CPLANE1: variants seen among roughly 807,000 people sequenced by gnomAD.
CPLANE1 encodes ciliogenesis and planar polarity effector complex subunit 1, also known as ciliogenesis and planar polarity effector 1.
CPLANE1 carries 263 observed loss-of-function variants against 362.5 expected under a neutral mutation model. The observed-to-expected ratio is 0.73, with a 90% CI of 0.66 to 0.80. The LOEUF is 0.80. Among genes scored for constraint, CPLANE1 ranks in the 30% least tolerant of loss-of-function variants. The pLI is 0.00. For synonymous variants in CPLANE1, 1,212 were observed against 1,302.6 expected (o/e 0.93, Z 1.50); for missense variants, 3,461 against 3,793.4 (o/e 0.91, Z 2.30).
intron 18 of CPLANE1, among the ~76,000 whole-genome samples, chr5:37,203,571 TG>T (rs1789827725): frequency 2.6e-5 from 4 of 152,208 alleles, no homozygotes; most frequent in Admixed American, 2.6e-4. Context: ...TGGAGTGCAG[TG>T]GCACAATCAT....
At chr5:37,194,899 TC>T (rs1168397027) in intron 21 of CPLANE1, among the ~76,000 whole-genome samples, 1 of 151,734 alleles carries the variant, frequency 6.6e-6, no homozygotes, top group African/African-American at 2.4e-5. Flanking sequence ...ACACCTGTAA[TC>T]CCAGCACTTT....
chr5:37,122,113 G>A (rs1486161633), intron 48 of CPLANE1, among the ~76,000 whole-genome samples: 2 of 152,096 alleles, frequency 1.3e-5, no homozygotes, highest in Non-Finnish European at 2.9e-5. Context: ...TTCTGAAAAT[G>A]ATTAGGCAGT....
chr5:37,141,950 C>A, intron 44 of CPLANE1: 9 of 529,400 alleles, frequency 1.7e-5, no homozygotes, highest in Non-Finnish European at 2.2e-5. Context: ...ATGGTAGAGG[C>A]TCAAGAAATG....
At position 37,198,699 on chromosome 5, in the gene CPLANE1, T is replaced by C. The variant is rs1345250871; in HGVS notation, c.3672+3A>G. On this transcript the variant is annotated splice_donor_region_variant and intron_variant, in intron 20 of 52. Transcript: ENST00000651892. ...CATGTAAATGACTAAGATATTTCCA[T>C]ACCTTCTGCATGACTTTTCTTGCCC... The C allele has an allele frequency of 5.0e-6, 8 of 1,612,466 alleles. No homozygotes were observed. The highest frequency in any genetic ancestry group is 4.5e-5 in the East Asian group (2 of 44,890).
At chr5:37,233,243 A>AG (rs142405113) in intron 8 of CPLANE1, among the ~76,000 whole-genome samples, 4,360 of 152,256 alleles carry the variant, frequency 0.029, 96 homozygotes, top group Middle Eastern at 0.12. Flanking sequence ...GCACTGCTTC[A>AG]GGGAGGAAGA....
At chr5:37,158,156 A>G in intron 39 of CPLANE1, 68 bp downstream of exon 39, 1 of 1,511,040 alleles carries the variant, frequency 6.6e-7, no homozygotes, top group Non-Finnish European at 9.1e-7. Flanking sequence ...CCAATTGAAT[A>G]ATGTCTACAT....
At position 37,226,563 on chromosome 5, in the gene CPLANE1, C is replaced by G. The variant is rs1027355854; in HGVS notation, c.2032G>C (p.Gly678Arg). 3 of 1,549,214 alleles carry G rather than the reference C, an allele frequency of 1.9e-6. No individual in the cohort carries two copies. Among genetic ancestry groups the G allele is most frequent in the Non-Finnish European group, 2.6e-6 (3 of 1,146,364 alleles). ...AAAAGTTTCTCTGAGAATAACTGACCCTTTTGTTGCTGAGTCAGCAAAAGT... is the reference window on the plus strand; with the variant it reads ...AAAAGTTTCTCTGAGAATAACTGACGCTTTTGTTGCTGAGTCAGCAAAAGT... ...VKLLLTQQQK[G>R]QLFSEKLLAC... Residue 678 changes from glycine to arginine, a missense_variant, in exon 12 of 53, where the codon GGT becomes CGT. Physicochemically the swap from Gly to Arg is moderately radical, Grantham distance 125. Around this residue, in one of 2 missense-constraint regions of CPLANE1, gnomAD observed 3,380 missense variants for 3,666.1 expected, o/e 0.92. Transcript: ENST00000651892.
Position 37,165,556 on chromosome 5 carries a change from T to C in CPLANE1, c.7516A>G (p.Ile2506Val). 1 of 1,609,350 alleles carries C rather than the reference T, an allele frequency of 6.2e-7. No homozygotes were observed. The highest frequency in any genetic ancestry group is 8.5e-7 in the Non-Finnish European group (1 of 1,178,980). The change falls in exon 36 of 53, where the codon ATC (isoleucine) becomes GTC (valine). Residue 2506 changes from isoleucine (I) to valine (V), a missense_variant. Ile to Val is a conservative substitution (Grantham distance 29). This residue lies in a region of CPLANE1 where 3,380 missense variants were observed against 3,666.1 expected (regional missense o/e 0.92). Transcript: ENST00000651892. ...NSIINNDDSE[I>V]IKKPKEQQEH... ...TTCTATACCTTGGGTTTCTTAATGA[T>C]TTCTGAATCATCATTATTAATTATG...
chr5:37,242,860 C>T (rs924425411), intron 6 of CPLANE1, among the ~76,000 whole-genome samples, 153 bp downstream of exon 6: 2 of 151,462 alleles, frequency 1.3e-5, no homozygotes, highest in Non-Finnish European at 2.9e-5. Flanking sequence ...AAAAAATTAG[C>T]CAGGCATGGT....
chr5:37,189,752 A>G (rs1364615565), intron 21 of CPLANE1, among the ~76,000 whole-genome samples: 1 of 152,214 alleles, frequency 6.6e-6, no homozygotes, highest in Non-Finnish European at 1.5e-5. Context: ...TAATCCCAGT[A>G]CTTTGGGAGG....
At chr5:37,236,102 C>T (rs116463221) in intron 8 of CPLANE1, among the ~76,000 whole-genome samples, 1,714 of 151,832 alleles carry the variant, frequency 0.011, 47 homozygotes, top group African/African-American at 0.039. Context: ...CTCCAACTCC[C>T]GAACTCAGGT....
rs184495444 is a variant in CPLANE1, at chr5:37,186,805, A to G, written c.4081-411T>C. Reference sequence around the variant, plus strand: ...CCCGGCGCGGTGGCTCACGCCTGTAATCCCAGCACTTTGGGAGGCCGAGGC... The same window carrying G: ...CCCGGCGCGGTGGCTCACGCCTGTAGTCCCAGCACTTTGGGAGGCCGAGGC... On this transcript the variant is annotated intron_variant, in intron 23 of 52. Coordinates refer to ENST00000651892, the MANE Select transcript of CPLANE1 (RefSeq NM_001384732.1). Among the ~76,000 whole-genome samples, 92 of 152,278 alleles carry G rather than the reference A, an allele frequency of 6.0e-4. 1 individual carries two copies. In the East Asian group the frequency reaches 0.015, roughly 26 times the overall value.
downstream of CPLANE1, among the ~76,000 whole-genome samples, chr5:37,103,710 C>T (rs1295880087): frequency 1.3e-5 from 2 of 152,162 alleles, no homozygotes; most frequent in Non-Finnish European, 2.9e-5. Context: ...TCTCATTTGG[C>T]TTGTTGGGTT....
At chr5:37,098,246 C>G in the CPLANE1 span, among the ~76,000 whole-genome samples, 22,575 of 151,204 alleles carry the variant, frequency 0.15, 1,957 homozygotes, top group African/African-American at 0.24. Context: ...ACAAAAAGTA[C>G]CTGGGCATGG....
chr5:37,119,752 G>A lies in CPLANE1; in HGVS notation c.9310+464C>T, dbSNP rs576922733. On this transcript the variant is annotated intron_variant, in intron 50 of 52. Transcript: ENST00000651892. ...TGTAATCCCAGCACTTTGGGAGGCC[G>A]GGGCGGGTGGATCACCAGGTCAGGA... 1.7e-3 allele frequency among the ~76,000 whole-genome samples: 255 copies of A among 152,214 alleles called. 1 individual carries two copies. The highest frequency in any genetic ancestry group is 2.0e-3 in the Non-Finnish European group (138 of 67,982).
intron 8 of CPLANE1, among the ~76,000 whole-genome samples, chr5:37,238,510 T>G (rs1581003705): frequency 2.1e-5 from 3 of 146,128 alleles, no homozygotes; most frequent in East Asian, 4.0e-4. Context: ...TTTTTTTTTT[T>G]TTGAGATAGG....
the CPLANE1 span, among the ~76,000 whole-genome samples, chr5:37,089,087 C>A: frequency 6.6e-6 from 1 of 152,054 alleles, no homozygotes; most frequent in Non-Finnish European, 1.5e-5. Flanking sequence ...AATCACTGAT[C>A]AAGGACCCAT....
At chr5:37,090,590 C>T in the CPLANE1 span, among the ~76,000 whole-genome samples, 6 of 152,152 alleles carry the variant, frequency 3.9e-5, no homozygotes, top group Non-Finnish European at 7.3e-5. Context: ...GGTAATCTTA[C>T]CCACAAAAAT....
chr5:37,175,488 G>C (rs1390751279), intron 31 of CPLANE1, among the ~76,000 whole-genome samples: 1 of 152,224 alleles, frequency 6.6e-6, no homozygotes, highest in Middle Eastern at 3.4e-3. Context: ...GTAAAGCTGT[G>C]CTATATTTTC....
Sources: allele counts gnomAD v4.1 joint callset (sites outside exome capture counted in the v4.1 genomes callset), GRCh38; gene constraint gnomAD v4.1.1; regional missense constraint gnomAD v4.1.1; transcripts MANE v1.5; gene names NCBI Gene and HGNC (gene_info 2026-07-23, HGNC 2026-07-21).